Variants in ATP6V1B1 observed in about 807,000 individuals in gnomAD.
The protein encoded by ATP6V1B1 is V-type proton ATPase subunit B, kidney isoform.
A neutral mutation model predicts 62.1 loss-of-function variants in ATP6V1B1; 41 were observed. The observed-to-expected ratio is 0.66, with a 90% CI of 0.51 to 0.86. The LOEUF (loss-of-function observed/expected upper bound fraction) is 0.86. Ranked by LOEUF, ATP6V1B1 falls within the 40% of genes least tolerant of loss-of-function variation. The pLI is 0.00. For synonymous variants in ATP6V1B1, 253 were observed against 273.4 expected (o/e 0.93, Z 0.74); for missense variants, 651 against 697.5 (o/e 0.93, Z 0.75).
chr2:70,948,252 CTTT>C (rs1680234218), intron 2 of ATP6V1B1: 2 of 146,274 alleles, frequency 1.4e-5, no homozygotes, highest in East Asian at 4.1e-4. Context: ...TTTTTTTTTT[CTTT>C]TTGAGACGGA....
intron 2 of ATP6V1B1, among the ~76,000 whole-genome samples, chr2:70,954,976 T>C (rs1553418817): frequency 1.3e-5 from 2 of 152,194 alleles, no homozygotes; most frequent in African/African-American, 4.8e-5. Context: ...GATGGTGTGC[T>C]CTGCTAGCCC....
intron 11 of ATP6V1B1, chr2:70,964,113 T>A (rs1680654500): frequency 4.1e-6 from 1 of 244,020 alleles, no homozygotes; most frequent in Non-Finnish European, 6.6e-6. Flanking sequence ...GCTTGGCAGG[T>A]ATTTTTTTTT....
chr2:70,940,791 G>A, intron 1 of ATP6V1B1: 2 of 985,488 alleles, frequency 2.0e-6, no homozygotes, highest in Non-Finnish European at 2.4e-6. Flanking sequence ...GGTCGGGAGG[G>A]GGCACACAAT....
At chr2:70,944,466 A>T (rs528872846) in intron 2 of ATP6V1B1, among the ~76,000 whole-genome samples, 61 of 149,158 alleles carry the variant, frequency 4.1e-4, no homozygotes, top group African/African-American at 1.5e-3. Context: ...TGCCCCTTTG[A>T]CCCCTCTTGT....
chr2:70,940,737 T>C (rs981606448), intron 1 of ATP6V1B1: 18 of 985,426 alleles, frequency 1.8e-5, no homozygotes, highest in East Asian at 2.3e-4. Context: ...TGCAACCCTT[T>C]AGGCTGGTCA....
intron 6 of ATP6V1B1, among the ~76,000 whole-genome samples, chr2:70,960,601 A>C (rs782202477): frequency 3.3e-5 from 5 of 152,128 alleles, no homozygotes; most frequent in African/African-American, 4.8e-5. Flanking sequence ...GGCCCAGGGC[A>C]ACTCTGTGTC....
At chr2:70,958,868 T>C (rs1680511131) in intron 4 of ATP6V1B1, 150 bp from the exon 5 acceptor site, 4 of 758,648 alleles carry the variant, frequency 5.3e-6, no homozygotes, top group Admixed American at 2.0e-5. Flanking sequence ...TGTAGCTGGC[T>C]CTCTGGGTTA....
chr2:70,937,474 C>A (rs1679884506), intron 1 of ATP6V1B1, among the ~76,000 whole-genome samples: 1 of 151,954 alleles, frequency 6.6e-6, no homozygotes, highest in Admixed American at 6.5e-5. Flanking sequence ...AGGCCCTGCC[C>A]CATGGAGCTC....
intron 2 of ATP6V1B1, among the ~76,000 whole-genome samples, chr2:70,945,726 A>AGAACAC (rs1680151223): frequency 2.2e-5 from 3 of 135,678 alleles, no homozygotes; most frequent in Non-Finnish European, 4.7e-5. Context: ...ATATATATAT[A>AGAACAC]TATATATATA....
rs781838938 is a variant in ATP6V1B1 at position 70,963,289 on chromosome 2, C to G, written c.1037C>G (p.Pro346Arg). 25 of 1,613,306 alleles carry G rather than the reference C, an allele frequency of 1.5e-5. No individual in the cohort carries two copies. The highest frequency in any genetic ancestry group is 3.3e-5 in the Admixed American group (2 of 60,012). Residue 346 changes from proline (P) to arginine (R), a missense_variant, in exon 10 of 14, where the codon CCC (proline) becomes CGC (arginine). Physicochemically the swap from Pro to Arg is moderately radical, Grantham distance 103. Transcript: ENST00000234396. The surrounding 1 kb of genome is among the most constrained non-coding windows in gnomAD (Gnocchi z 4.3). Reference protein sequence around the residue: ...EGRGGSITQIPILTMPNDDIT... With the variant: ...EGRGGSITQIRILTMPNDDIT... ...CGGGGAGGATCCATCACACAGATCC[C>G]CATCCTCACCATGCCCAACGACGGT...
intron 2 of ATP6V1B1, among the ~76,000 whole-genome samples, chr2:70,952,493 T>A (rs1414926751): frequency 4.6e-5 from 7 of 151,340 alleles, no homozygotes; most frequent in African/African-American, 1.7e-4. Flanking sequence ...ATAAAACAGA[T>A]GCTGAATTTT....
chr2:70,963,410 G>A lies in ATP6V1B1; in HGVS notation c.1060+98G>A. On this transcript the variant is annotated intron_variant, in intron 10 of 13. Coordinates refer to ENST00000234396, the MANE Select transcript of ATP6V1B1 (RefSeq NM_001692.4). The surrounding 1 kb of genome is among the most constrained non-coding windows in gnomAD (Gnocchi z 4.3). ...CCACGTTGCTTTGCACAGATGTGCA[G>A]CAGCGCTTTTCCTCCATCGAGATAG... is the stretch of plus-strand genomic sequence containing the variant. 1 of 1,583,426 alleles carries A rather than the reference G, an allele frequency of 6.3e-7. No individual in the cohort carries two copies. Among genetic ancestry groups the A allele is most frequent in the East Asian group, 2.2e-5 (1 of 44,516 alleles).
chr2:70,962,026 G>A (rs1036483196), intron 8 of ATP6V1B1, among the ~76,000 whole-genome samples: 16 of 71,344 alleles, frequency 2.2e-4, no homozygotes, highest in African/African-American at 6.4e-4. Context: ...TTATAAAAGT[G>A]TAGAAAATGG....
At chr2:70,944,261 G>A in intron 2 of ATP6V1B1, 1 of 1,275,054 alleles carries the variant, frequency 7.8e-7, no homozygotes, top group Non-Finnish European at 1.0e-6. Context: ...AAAGGTAAGT[G>A]GGCTGTGGGC....
intron 2 of ATP6V1B1, among the ~76,000 whole-genome samples, chr2:70,947,268 ACT>A (rs1364649049): frequency 6.6e-6 from 1 of 152,136 alleles, no homozygotes; most frequent in Admixed American, 6.5e-5. Flanking sequence ...GAAAAGTCTA[ACT>A]CTCTGATTTG....
intron 1 of ATP6V1B1, chr2:70,943,398 G>A: frequency 1.7e-6 from 1 of 590,118 alleles, no homozygotes; most frequent in Non-Finnish European, 3.1e-6. Flanking sequence ...TGTGTGGTGG[G>A]GGCGGACTCT....
intron 2 of ATP6V1B1, among the ~76,000 whole-genome samples, chr2:70,946,143 C>A (rs536332430): frequency 6.6e-6 from 1 of 152,212 alleles, no homozygotes; most frequent in African/African-American, 2.4e-5. Context: ...AAGGTGAGTA[C>A]ATTAATGAGA....
intron 2 of ATP6V1B1, chr2:70,948,586 A>C (rs12620379): frequency 1.3e-5 from 2 of 153,238 alleles, no homozygotes; most frequent in African/African-American, 4.8e-5. Flanking sequence ...CGTGTGTTCC[A>C]CGCGTTTCCC....
chr2:70,951,735 T>C (rs1282411937), intron 2 of ATP6V1B1, among the ~76,000 whole-genome samples: 7 of 151,972 alleles, frequency 4.6e-5, no homozygotes, highest in Non-Finnish European at 8.8e-5. Flanking sequence ...CCATCTCTAC[T>C]AAAAATACAA....
Sources: gnomAD v4.1 joint callset for allele counts (sites outside exome capture counted in the v4.1 genomes callset) on GRCh38, gnomAD v4.1.1 for gene constraint, Gnocchi (gnomAD v3.1) non-coding constraint, MANE v1.5 for transcripts, NCBI Gene and HGNC (gene_info 2026-07-23, HGNC 2026-07-21) for gene names.